ANLN: variants seen among roughly 807,000 people sequenced by gnomAD.
ANLN encodes anillin.
ANLN carries 59 observed loss-of-function variants against 135.1 expected under a neutral mutation model. That is an observed-to-expected ratio of 0.44 (90% CI 0.35 to 0.54). ANLN has a LOEUF of 0.54. Among genes scored for constraint, ANLN ranks in the 20% least tolerant of loss-of-function variants. The pLI is 0.00. For synonymous variants in ANLN, 406 were observed against 456.4 expected (o/e 0.89, Z 1.41); for missense variants, 1,182 against 1,340.0 (o/e 0.88, Z 1.84).
chr7:36,425,826 C>A, intron 18 of ANLN, 86 bp downstream of exon 18: 2 of 1,396,898 alleles, frequency 1.4e-6, no homozygotes, highest in Non-Finnish European at 2.0e-6. Context: ...CATTTCTGAA[C>A]CTTGAGCACT....
chr7:36,423,885 G>A lies in ANLN; in HGVS notation c.2545G>A (p.Ala849Thr). 6.2e-7 allele frequency: 1 copy of A among 1,612,584 alleles called. No homozygotes were observed. The highest frequency in any genetic ancestry group is 8.5e-7 in the Non-Finnish European group (1 of 1,179,144). The change falls in exon 15 of 24, where the codon GCA (alanine) becomes ACA (threonine). Residue 849 changes from alanine (A) to threonine (T), a missense_variant. Coordinates refer to ENST00000265748, the MANE Select transcript of ANLN (RefSeq NM_018685.5). ...GAENMVATPL[A>T]STSNSLNGDA... is the part of the protein sequence containing the mutation. ...TGAAAATATGGTAGCCACACCATTA[G>A]CAAGTACTTCAAACTCTCTTAACGG...
chr7:36,393,431 G>A (rs1786565059), intron 1 of ANLN, among the ~76,000 whole-genome samples: 2 of 152,210 alleles, frequency 1.3e-5, no homozygotes, highest in Admixed American at 1.3e-4. Flanking sequence ...TTCAAGAGAG[G>A]AGAAGCTGGA....
At chr7:36,420,337 T>C (rs1288316173) in intron 11 of ANLN, 23 bp downstream of exon 11, 2 of 1,612,154 alleles carry the variant, frequency 1.2e-6, no homozygotes, top group Admixed American at 3.3e-5. Context: ...CTGGAAGGCA[T>C]TCACTCACTA....
At chr7:36,434,072 ATTTT>A (rs1181826545) in intron 20 of ANLN, among the ~76,000 whole-genome samples, 1 of 151,838 alleles carries the variant, frequency 6.6e-6, no homozygotes, top group African/African-American at 2.4e-5. Flanking sequence ...ATGTCTTGTA[ATTTT>A]TTAACTGTAG....
At chr7:36,409,089 A>G (rs1378452925) in intron 5 of ANLN, among the ~76,000 whole-genome samples, 1 of 152,238 alleles carries the variant, frequency 6.6e-6, no homozygotes, top group Non-Finnish European at 1.5e-5. Context: ...CAGAATGAGA[A>G]TTGGAAACAA....
rs1562830556 is a variant in ANLN at position 36,453,354 on chromosome 7, A to T, written c.*754A>T. 6.6e-6 allele frequency: 1 copy of T among 152,130 alleles called. No homozygotes were observed. Among genetic ancestry groups the T allele is most frequent in the Admixed American group, 6.5e-5 (1 of 15,278 alleles). The allele number at this position is 152,130 out of a possible 1,614,324, so 9.4% of individuals were successfully genotyped here. On this transcript the variant is annotated 3_prime_UTR_variant, in exon 24 of 24. Transcript: ENST00000265748. ...CAGACTTAGCATATTAGTTTTTTCT[A>T]CTCCTACAAGTGTAAATTGAAAAAT... is the stretch of plus-strand genomic sequence containing the variant.
rs186708014 is a variant in ANLN, at chr7:36,429,901, C to T, written c.2883+2873C>T. 2.5e-3 allele frequency among the ~76,000 whole-genome samples: 378 copies of T among 152,224 alleles called. 1 individual carries two copies. Among genetic ancestry groups the T allele is most frequent in the African/African-American group, 8.7e-3 (360 of 41,526 alleles). On this transcript the variant is annotated intron_variant, in intron 20 of 23. Coordinates refer to ENST00000265748, the MANE Select transcript of ANLN (RefSeq NM_018685.5). ...CCTTTGAATTTATAACTTAAATAGC[C>T]AACCACATGATTGAGTGCAAAATCA...
In ANLN at chr7:36,424,559, A is replaced by G. The variant is rs1359486800; in HGVS notation, c.2618A>G (p.Asn873Ser). 6.3e-7 allele frequency: 1 copy of G among 1,599,992 alleles called. No individual in the cohort carries two copies. Among genetic ancestry groups the G allele is most frequent in the Non-Finnish European group, 8.5e-7 (1 of 1,172,536 alleles). ...TATTTTTCCAGGCAAGATGTATCCA[A>G]TGACTTTGAAATAAATATTGAAGTT... is the stretch of plus-strand genomic sequence containing the variant. ...TTTFTLQDVS[N>S]DFEINIEVYS... Residue 873 changes from asparagine (N) to serine (S), a missense_variant, in exon 16 of 24, where the codon AAT (asparagine) becomes AGT (serine). Physicochemically the swap from Asn to Ser is conservative, Grantham distance 46. This residue lies in a region of ANLN where 1,022 missense variants were observed against 1,134.0 expected (regional missense o/e 0.90). Coordinates refer to ENST00000265748, the MANE Select transcript of ANLN (RefSeq NM_018685.5).
At chr7:36,428,171 A>C (rs1788164213) in intron 20 of ANLN, 1 of 269,244 alleles carries the variant, frequency 3.7e-6, no homozygotes, top group African/African-American at 2.3e-5. Context: ...AGTTTTGATT[A>C]CTATTAATGC....
Position 36,452,458 on chromosome 7 carries a change from T to C in ANLN, c.3252-19T>C, listed in dbSNP as rs1789285492. ...GGAGGGAGAAGAATTCTGACCTCTT[T>C]GGTTGTTTGTTCCTGTAGGAACTGG... On this transcript the variant is annotated intron_variant, in intron 23 of 23. Coordinates refer to ENST00000265748, the MANE Select transcript of ANLN (RefSeq NM_018685.5). 1 of 1,613,754 alleles carries C rather than the reference T, an allele frequency of 6.2e-7. No individual in the cohort carries two copies. Among genetic ancestry groups the C allele is most frequent in the Non-Finnish European group, 8.5e-7 (1 of 1,179,716 alleles).
intron 8 of ANLN, among the ~76,000 whole-genome samples, chr7:36,416,304 C>T (rs190587272): frequency 7.5e-4 from 114 of 152,326 alleles, no homozygotes; most frequent in Middle Eastern, 3.4e-3. Context: ...CAGGGGTCAG[C>T]CACTGCGCCC....
chr7:36,417,988 C>G (rs1787716905), intron 9 of ANLN, among the ~76,000 whole-genome samples: 1 of 152,114 alleles, frequency 6.6e-6, no homozygotes, highest in African/African-American at 2.4e-5. Flanking sequence ...GGCTCTCAAA[C>G]TTCTAACCGA....
Position 36,399,375 on chromosome 7 carries a change from G to T in ANLN, c.469G>T (p.Asp157Tyr), listed in dbSNP as rs1366508134. ...ACTTGCAGAGCAACGGCGCCGTTGGGATAATGATGATATGACAGGTATGAA... is the reference window on the plus strand; with the variant it reads ...ACTTGCAGAGCAACGGCGCCGTTGGTATAATGATGATATGACAGGTATGAA... ...QKLAEQRRRW[D>Y]NDDMTDDIPE... is the part of the protein sequence containing the mutation. The change falls in exon 3 of 24, where the codon GAT becomes TAT. Residue 157 changes from aspartate to tyrosine, a missense_variant. Physicochemically the swap from Asp to Tyr is radical, Grantham distance 160. Transcript: ENST00000265748. The T allele has an allele frequency of 6.2e-7, 1 of 1,609,954 alleles. No homozygotes were observed. Among genetic ancestry groups the T allele is most frequent in the African/African-American group, 1.3e-5 (1 of 74,764 alleles).
At chr7:36,407,562 GT>G (rs1166770592) in intron 4 of ANLN, among the ~76,000 whole-genome samples, 171 bp from the exon 5 acceptor site, 5 of 151,600 alleles carry the variant, frequency 3.3e-5, no homozygotes, top group Admixed American at 6.6e-5. Context: ...TTTTAAGTTG[GT>G]TTTTTTTCCC....
At chr7:36,409,871 C>T (rs1229640412) in intron 5 of ANLN, among the ~76,000 whole-genome samples, 1 of 152,070 alleles carries the variant, frequency 6.6e-6, no homozygotes, top group Non-Finnish European at 1.5e-5. Context: ...GGGATTCCTC[C>T]ATGTTGCCCG....
At chr7:36,417,605 C>T (rs949218592) in intron 9 of ANLN, among the ~76,000 whole-genome samples, 2 of 151,736 alleles carry the variant, frequency 1.3e-5, no homozygotes, top group South Asian at 4.2e-4. Flanking sequence ...GTTGGGGACT[C>T]AGTCCCCAAG....
chr7:36,397,990 T>G (rs1050111557), intron 2 of ANLN, among the ~76,000 whole-genome samples: 2 of 152,184 alleles, frequency 1.3e-5, no homozygotes, highest in African/African-American at 4.8e-5. Flanking sequence ...TTTACTTAGG[T>G]TGATGTCAAC....
intron 2 of ANLN, 69 bp from the exon 3 acceptor site, chr7:36,399,010 A>G (rs1786821779): frequency 7.8e-7 from 1 of 1,278,930 alleles, no homozygotes; most frequent in Non-Finnish European, 1.1e-6. Context: ...TTTGTTGAGT[A>G]TCTACCCTCA....
At chr7:36,391,705 C>G (rs953913842) in intron 1 of ANLN, among the ~76,000 whole-genome samples, 6 of 152,210 alleles carry the variant, frequency 3.9e-5, no homozygotes, top group Non-Finnish European at 5.9e-5. Context: ...GGTTTCCTCT[C>G]AGAACCATGG....
Sources: gnomAD v4.1 joint callset for allele counts (sites outside exome capture counted in the v4.1 genomes callset) on GRCh38, gnomAD v4.1.1 for gene constraint, gnomAD v4.1.1 regional missense constraint, MANE v1.5 for transcripts, NCBI Gene and HGNC (gene_info 2026-07-23, HGNC 2026-07-21) for gene names.